Variants in KIDINS220 observed in about 807,000 individuals in gnomAD.
The protein encoded by KIDINS220 is kinase D interacting substrate 220, also known as kinase D-interacting substrate of 220 kDa.
In KIDINS220, 63 loss-of-function variants were observed where a neutral mutation model predicts 157.6. The ratio of observed to expected loss-of-function variants is 0.40; its 90% CI spans 0.33 to 0.49. KIDINS220 has a LOEUF of 0.49. Among genes scored for constraint, KIDINS220 ranks in the 20% least tolerant of loss-of-function variants. KIDINS220 has a pLI of 0.66. For missense variants in KIDINS220, 1,772 were observed against 2,171.2 expected, an observed-to-expected ratio of 0.82 and a Z score of 3.65; for synonymous variants, 732 against 783.6, an observed-to-expected ratio of 0.93 and a Z score of 1.10.
At chr2:8,787,884 GA>G (rs1433200360) in intron 15 of KIDINS220, among the ~76,000 whole-genome samples, 1 of 151,944 alleles carries the variant, frequency 6.6e-6, no homozygotes, top group Non-Finnish European at 1.5e-5. Flanking sequence ...TTCCTGAGCT[GA>G]GAAAAGCACA....
rs757623555 is a variant in KIDINS220, at chr2:8,751,509, T to C, written c.3147A>G (p.Pro1049=). The change falls in exon 23 of 30, where the codon CCA becomes CCG. Residue 1049 remains proline (P), a synonymous_variant. Coordinates refer to ENST00000256707, the MANE Select transcript of KIDINS220 (RefSeq NM_020738.4). ...LVARDVKVFL[P]CTVNLDPKLR... ...GTTTGGGATCTAGGTTTACAGTGCA[T>C]GGCAAAAAGACTTTTACATCTCGAG... The C allele has an allele frequency of 4.3e-6, 7 of 1,613,510 alleles. No homozygotes were observed. The highest frequency in any genetic ancestry group is 3.4e-6 in the Non-Finnish European group (4 of 1,179,866).
intron 22 of KIDINS220, among the ~76,000 whole-genome samples, chr2:8,751,941 T>C (rs983113449): frequency 1.3e-5 from 2 of 152,100 alleles, no homozygotes; most frequent in African/African-American, 4.8e-5. Context: ...CTGATCTAAG[T>C]TGATCCACCC....
chr2:8,735,490 G>A (rs578008855), intron 27 of KIDINS220, among the ~76,000 whole-genome samples: 76 of 152,030 alleles, frequency 5.0e-4, no homozygotes, highest in African/African-American at 1.6e-3. Flanking sequence ...CCATGGCCAC[G>A]CCACTGCACT....
intron 22 of KIDINS220, among the ~76,000 whole-genome samples, chr2:8,758,837 G>T (rs1486901905): frequency 6.6e-6 from 1 of 152,028 alleles, no homozygotes; most frequent in East Asian, 1.9e-4. Context: ...TAGCTTAGGG[G>T]GTCAGAAAGT....
At chr2:8,738,191 G>A (rs915994976) in intron 26 of KIDINS220, among the ~76,000 whole-genome samples, 2 of 152,046 alleles carry the variant, frequency 1.3e-5, no homozygotes, top group South Asian at 4.1e-4. Context: ...CTAAATAATT[G>A]AAAAAAGTGA....
At position 8,729,176 on chromosome 2, in the gene KIDINS220, A is replaced by ACATTTG. The variant is rs1210784950; in HGVS notation, c.*1538_*1543dup. On this transcript the variant is annotated 3_prime_UTR_variant, in exon 30 of 30. Transcript: ENST00000256707. ...TCCTGCCTTTTTAAAATTGCTTAAA[A>ACATTTG]CATTTGTTAAAGATCATGCAAAATA... is the stretch of plus-strand genomic sequence containing the variant. 2.0e-6 allele frequency: 2 copies of ACATTTG among 984,190 alleles called. No individual in the cohort carries two copies. The highest frequency in any genetic ancestry group is 1.2e-4 in the Admixed American group (2 of 16,256). 61.0% of individuals were successfully genotyped at this position (984,190 alleles called of 1,614,324 possible).
At chr2:8,821,810 G>C (rs1677994445) in intron 2 of KIDINS220, among the ~76,000 whole-genome samples, 1 of 152,162 alleles carries the variant, frequency 6.6e-6, no homozygotes, top group Admixed American at 6.5e-5. Context: ...AGTTGGGCCT[G>C]AAAATAAAGC....
intron 18 of KIDINS220, among the ~76,000 whole-genome samples, chr2:8,779,407 A>ATGAGAAACAT (rs1187874866): frequency 6.6e-6 from 1 of 152,238 alleles, no homozygotes; most frequent in African/African-American, 2.4e-5. Flanking sequence ...ATCAATGCAC[A>ATGAGAAACAT]TGAGAAACAT....
In KIDINS220 at chr2:8,803,129, TA is replaced by T; in HGVS notation, c.604-3del. 2 of 1,602,564 alleles carry T rather than the reference TA, an allele frequency of 1.2e-6. No homozygotes were observed. Among genetic ancestry groups the T allele is most frequent in the Non-Finnish European group, 1.7e-6 (2 of 1,176,774 alleles). On this transcript the variant is annotated splice_region_variant and splice_polypyrimidine_tract_variant and intron_variant, in intron 7 of 29. Coordinates refer to ENST00000256707, the MANE Select transcript of KIDINS220 (RefSeq NM_020738.4). ...CACAATAAGTGCAGTCATTGAATTC[TA>T]AAAACAACAACAACAAAAACAAAAC...
intron 22 of KIDINS220, among the ~76,000 whole-genome samples, chr2:8,764,496 C>T (rs1219543635): frequency 6.6e-6 from 1 of 152,186 alleles, no homozygotes; most frequent in East Asian, 1.9e-4. Context: ...CTCAGAGTTA[C>T]AGGGAATGCC....
intron 23 of KIDINS220, 42 bp from the exon 24 acceptor site, chr2:8,750,377 G>C: frequency 7.3e-7 from 1 of 1,379,116 alleles, no homozygotes; most frequent in Non-Finnish European, 9.7e-7. Flanking sequence ...GAGAAAACAG[G>C]ACATTAGGAA....
intron 26 of KIDINS220, among the ~76,000 whole-genome samples, chr2:8,739,008 A>G (rs944910484): frequency 4.6e-5 from 7 of 152,232 alleles, no homozygotes; most frequent in Non-Finnish European, 1.5e-5. Context: ...CGACAAGTAT[A>G]ATAGACACGG....
At chr2:8,795,573 T>C (rs1209703294) in intron 11 of KIDINS220, among the ~76,000 whole-genome samples, 1 of 152,250 alleles carries the variant, frequency 6.6e-6, no homozygotes, top group Admixed American at 6.5e-5. Flanking sequence ...GATAGCACTT[T>C]ACCCGTCCTC....
At chr2:8,755,030 C>G (rs1314466333) in intron 22 of KIDINS220, among the ~76,000 whole-genome samples, 2 of 152,206 alleles carry the variant, frequency 1.3e-5, no homozygotes, top group Non-Finnish European at 2.9e-5. Flanking sequence ...CATCCATGAA[C>G]AGAACACTTT....
chr2:8,737,698 G>A (rs954388012), intron 26 of KIDINS220, among the ~76,000 whole-genome samples: 3 of 152,114 alleles, frequency 2.0e-5, no homozygotes, highest in South Asian at 2.1e-4. Flanking sequence ...AAACATTTTC[G>A]GAATGTGGAT....
At chr2:8,805,368 T>C (rs1170601847) in intron 7 of KIDINS220, among the ~76,000 whole-genome samples, 2 of 152,158 alleles carry the variant, frequency 1.3e-5, no homozygotes, top group Non-Finnish European at 1.5e-5. Context: ...GGCTGTGAGT[T>C]CCAACCCTCT....
At chr2:8,726,828 A>G, downstream of KIDINS220, 1 of 874,310 alleles carries the variant, frequency 1.1e-6, no homozygotes, top group Non-Finnish European at 1.6e-6. Flanking sequence ...TTTGTTGGCC[A>G]AAACGTCCTA....
chr2:8,734,875 G>C, intron 27 of KIDINS220, 122 bp from the exon 28 acceptor site: 2 of 615,916 alleles, frequency 3.2e-6, no homozygotes, highest in South Asian at 2.9e-5. Context: ...CAGAAAGGCT[G>C]ACCAAAAAAA....
intron 7 of KIDINS220, 33 bp downstream of exon 7, chr2:8,806,238 C>T: frequency 6.9e-7 from 1 of 1,439,414 alleles, no homozygotes; most frequent in Non-Finnish European, 9.6e-7. Flanking sequence ...AAACATGTTT[C>T]TATTGCCAAG....
Sources: allele counts gnomAD v4.1 joint callset (sites outside exome capture counted in the v4.1 genomes callset), GRCh38; gene constraint gnomAD v4.1.1; transcripts MANE v1.5; gene names NCBI Gene and HGNC (gene_info 2026-07-23, HGNC 2026-07-21).